LRRTM4: variants seen among roughly 807,000 people sequenced by gnomAD.
LRRTM4 encodes leucine-rich repeat transmembrane neuronal protein 4.
LRRTM4 carries 25 observed loss-of-function variants against 47.6 expected under a neutral mutation model. That is an observed-to-expected ratio of 0.53 (90% CI 0.38 to 0.73). The LOEUF is 0.73. LRRTM4 is among the 30% of genes least tolerant of loss of function. The pLI is 0.00. For synonymous variants in LRRTM4, 311 were observed against 269.5 expected (o/e 1.15, Z -1.51); for missense variants, 638 against 713.4 (o/e 0.89, Z 1.20).
At chr2:77,294,809 C>T (rs1289587143) in intron 3 of LRRTM4, among the ~76,000 whole-genome samples, 3 of 151,846 alleles carry the variant, frequency 2.0e-5, no homozygotes, top group South Asian at 4.1e-4. Flanking sequence ...ACAGGGAACT[C>T]GAAATGACAC....
At position 76,748,940 on chromosome 2, in the gene LRRTM4, G is replaced by A. The variant is rs201118186; in HGVS notation, c.1552-24C>T. 5.2e-5 allele frequency: 83 copies of A among 1,592,820 alleles called. 1 individual carries two copies. In the African/African-American group the frequency reaches 7.2e-4, roughly 14 times the overall value. ...ATCTGGATATGAGAAATAGAAAGAT[G>A]GGTGGATTATAAAATTGCTTTGGAA... On this transcript the variant is annotated intron_variant, in intron 3 of 3. Coordinates refer to ENST00000409884, the MANE Select transcript of LRRTM4 (RefSeq NM_001134745.3).
intron 3 of LRRTM4, among the ~76,000 whole-genome samples, chr2:76,853,580 G>C (rs535302208): frequency 9.2e-5 from 14 of 152,062 alleles, no homozygotes; most frequent in African/African-American, 3.4e-4. Context: ...GTATTTAAAA[G>C]TTACCTCCCT....
chr2:76,865,996 C>A (rs1050952748), intron 3 of LRRTM4, among the ~76,000 whole-genome samples: 1 of 151,912 alleles, frequency 6.6e-6, no homozygotes, highest in African/African-American at 2.4e-5. Context: ...GGTGATTAGT[C>A]AAAACCCCAC....
At chr2:77,333,990 C>A (rs1189873879) in intron 3 of LRRTM4, among the ~76,000 whole-genome samples, 2 of 152,194 alleles carry the variant, frequency 1.3e-5, no homozygotes, top group South Asian at 2.1e-4. Flanking sequence ...GACATGAAGT[C>A]AAAGGAGATC....
At chr2:76,797,635 TGGAC>T (rs2103751624) in intron 3 of LRRTM4, among the ~76,000 whole-genome samples, 2 of 151,152 alleles carry the variant, frequency 1.3e-5, no homozygotes, top group African/African-American at 4.9e-5. Context: ...TAAATGTAAA[TGGAC>T]TAAATGCTCC....
At chr2:76,981,842 A>T (rs1256680063) in intron 3 of LRRTM4, among the ~76,000 whole-genome samples, 1 of 152,080 alleles carries the variant, frequency 6.6e-6, no homozygotes. Flanking sequence ...TTCTATGTAG[A>T]GCAATGGAAC....
intron 3 of LRRTM4, among the ~76,000 whole-genome samples, chr2:76,991,087 T>C (rs1676990057): frequency 6.6e-6 from 1 of 151,658 alleles, no homozygotes; most frequent in African/African-American, 2.4e-5. Flanking sequence ...GAAAACATTC[T>C]TTGAAATAAA....
chr2:77,091,832 G>A (rs942666087), intron 3 of LRRTM4, among the ~76,000 whole-genome samples: 36 of 148,610 alleles, frequency 2.4e-4, no homozygotes, highest in African/African-American at 3.3e-4. Flanking sequence ...AAAAACACAC[G>A]TGCTCTCCCT....
At chr2:77,145,004 TG>T (rs1360217614) in intron 3 of LRRTM4, among the ~76,000 whole-genome samples, 1 of 152,080 alleles carries the variant, frequency 6.6e-6, no homozygotes, top group African/African-American at 2.4e-5. Flanking sequence ...ATGCAAGTCA[TG>T]GGCAGCACAC....
chr2:77,198,234 G>A (rs147610788), intron 3 of LRRTM4, among the ~76,000 whole-genome samples: 2 of 152,152 alleles, frequency 1.3e-5, no homozygotes, highest in Non-Finnish European at 2.9e-5. Flanking sequence ...GAAGAATCCT[G>A]CAAATGATCC....
At chr2:77,028,709 G>A (rs1407374679) in intron 3 of LRRTM4, among the ~76,000 whole-genome samples, 1 of 151,810 alleles carries the variant, frequency 6.6e-6, no homozygotes, top group African/African-American at 2.4e-5. Flanking sequence ...TAAGAAAAGT[G>A]TAAAATGCAG....
At chr2:77,005,388 C>A (rs1677604690) in intron 3 of LRRTM4, among the ~76,000 whole-genome samples, 3 of 152,180 alleles carry the variant, frequency 2.0e-5, no homozygotes, top group African/African-American at 7.2e-5. Flanking sequence ...TGTAATCCAC[C>A]TGCCTTGGCC....
At chr2:77,337,894 A>G (rs1671223558) in intron 3 of LRRTM4, among the ~76,000 whole-genome samples, 1 of 152,112 alleles carries the variant, frequency 6.6e-6, no homozygotes, top group African/African-American at 2.4e-5. Context: ...AAAAATAGAC[A>G]CATAGACCAA....
intron 3 of LRRTM4, among the ~76,000 whole-genome samples, chr2:77,415,548 C>G (rs1294073262): frequency 6.6e-6 from 1 of 152,234 alleles, no homozygotes; most frequent in East Asian, 1.9e-4. Flanking sequence ...GTTCTCTGGA[C>G]TCTATGGAAA....
At chr2:76,762,840 C>A (rs1053324725) in intron 3 of LRRTM4, among the ~76,000 whole-genome samples, 35 of 152,236 alleles carry the variant, frequency 2.3e-4, no homozygotes, top group Non-Finnish European at 4.1e-4. Context: ...AATTACATAG[C>A]ATTTTAAAAA....
chr2:77,154,003 G>A (rs1672494482), intron 3 of LRRTM4, among the ~76,000 whole-genome samples: 1 of 152,198 alleles, frequency 6.6e-6, no homozygotes, highest in African/African-American at 2.4e-5. Flanking sequence ...GGATAACTGA[G>A]TACTGCTCTT....
chr2:76,869,801 C>G (rs1481780927), intron 3 of LRRTM4, among the ~76,000 whole-genome samples: 2 of 151,906 alleles, frequency 1.3e-5, no homozygotes, highest in Non-Finnish European at 2.9e-5. Context: ...TACCCAATGA[C>G]AAGAAAATAT....
At chr2:77,343,352 G>A (rs1272106940) in intron 3 of LRRTM4, among the ~76,000 whole-genome samples, 2 of 151,842 alleles carry the variant, frequency 1.3e-5, no homozygotes, top group African/African-American at 4.8e-5. Flanking sequence ...ACAGAAAACA[G>A]AACAAATTTT....
At chr2:77,368,210 C>T (rs1672529895) in intron 3 of LRRTM4, among the ~76,000 whole-genome samples, 1 of 151,528 alleles carries the variant, frequency 6.6e-6, no homozygotes, top group African/African-American at 2.4e-5. Context: ...TAGAAGAACC[C>T]ACCTTTTATC....
Sources: allele counts gnomAD v4.1 joint callset (sites outside exome capture counted in the v4.1 genomes callset), GRCh38; gene constraint gnomAD v4.1.1; transcripts MANE v1.5; gene names NCBI Gene and HGNC (gene_info 2026-07-23, HGNC 2026-07-21).